Variants in XRCC5 observed in about 807,000 individuals in gnomAD.
XRCC5 encodes the protein DNA repair protein Ku80.
Under a neutral mutation model 95.7 loss-of-function variants are expected in XRCC5, and 12 were observed. That is an observed-to-expected ratio of 0.13 (90% confidence interval 0.08 to 0.20). The LOEUF is 0.20. Among genes scored for constraint, XRCC5 ranks in the 10% least tolerant of loss-of-function variants. The pLI is 1.00. For synonymous variants in XRCC5, 281 were observed against 290.3 expected (o/e 0.97, Z 0.33); for missense variants, 595 against 873.9 (o/e 0.68, Z 4.02).
chr2:216,199,835 A>G (rs1273801992), intron 19 of XRCC5, among the ~76,000 whole-genome samples: 1 of 48,218 alleles, frequency 2.1e-5, no homozygotes, highest in African/African-American at 6.5e-5. Flanking sequence ...TTTTTTTTTT[A>G]CCAGATTCCA....
At chr2:216,155,062 C>T (rs1370953633) in intron 14 of XRCC5, among the ~76,000 whole-genome samples, 1 of 150,086 alleles carries the variant, frequency 6.7e-6, no homozygotes, top group Non-Finnish European at 1.5e-5. Flanking sequence ...CTCATCTCTA[C>T]AAAAAATATA....
At chr2:216,187,701 T>C (rs375983774) in intron 16 of XRCC5, among the ~76,000 whole-genome samples, 1 of 151,554 alleles carries the variant, frequency 6.6e-6, no homozygotes, top group African/African-American at 2.4e-5. Flanking sequence ...TTCCGTGTAG[T>C]CTTTATGCAG....
At chr2:216,187,606 G>C (rs924911577) in intron 16 of XRCC5, among the ~76,000 whole-genome samples, 1 of 151,174 alleles carries the variant, frequency 6.6e-6, no homozygotes, top group African/African-American at 2.4e-5. Flanking sequence ...AAGCAATTTA[G>C]TACCTGTGTA....
chr2:216,150,353 C>G (rs1207632418), intron 14 of XRCC5, among the ~76,000 whole-genome samples: 1 of 152,134 alleles, frequency 6.6e-6, no homozygotes, highest in Non-Finnish European at 1.5e-5. Flanking sequence ...TCAAGAGATA[C>G]TATAACAATG....
chr2:216,193,316 C>T (rs1689653811), intron 18 of XRCC5, among the ~76,000 whole-genome samples: 1 of 152,150 alleles, frequency 6.6e-6, no homozygotes. Flanking sequence ...CCCTTTGCCC[C>T]ACCTTTTTTA....
intron 6 of XRCC5, among the ~76,000 whole-genome samples, chr2:216,124,246 T>C (rs1267874798): frequency 6.6e-6 from 1 of 152,026 alleles, no homozygotes; most frequent in African/African-American, 2.4e-5. Context: ...ACTGAGTCAG[T>C]TGTTCTTAGA....
At chr2:216,127,163 C>G (rs939320113) in intron 7 of XRCC5, among the ~76,000 whole-genome samples, 6 of 152,036 alleles carry the variant, frequency 3.9e-5, no homozygotes, top group African/African-American at 1.4e-4. Context: ...TCACTTAATC[C>G]CGGGAGGCGG....
At chr2:216,118,084 C>T (rs1245684375) in intron 4 of XRCC5, among the ~76,000 whole-genome samples, 1 of 152,032 alleles carries the variant, frequency 6.6e-6, no homozygotes, top group Admixed American at 6.6e-5. Flanking sequence ...TTAAAAAACA[C>T]TAAGTGGTAT....
At chr2:216,178,453 G>A (rs535871946) in intron 16 of XRCC5, among the ~76,000 whole-genome samples, 114 of 152,224 alleles carry the variant, frequency 7.5e-4, no homozygotes, top group African/African-American at 2.7e-3. Context: ...AATTGTTTTA[G>A]GGTATAATAA....
In XRCC5 at chr2:216,190,706, G is replaced by A. The variant is rs554994830; in HGVS notation, c.1944+372G>A. Reference sequence around the variant, plus strand: ...GGGAAATGGATGGGAAATATATATTGGTATAATTATTGAGAAAGATTTTAT... The same window carrying A: ...GGGAAATGGATGGGAAATATATATTAGTATAATTATTGAGAAAGATTTTAT... On this transcript the variant is annotated intron_variant, in intron 17 of 20. Transcript: ENST00000392132. Among the ~76,000 whole-genome samples, 20 of 152,154 alleles carry A rather than the reference G, an allele frequency of 1.3e-4. No homozygotes were observed. The Middle Eastern group carries it at 0.01, about 78-fold the overall frequency.
At chr2:216,160,036 G>T in intron 14 of XRCC5, 32 bp from the exon 15 acceptor site, 1 of 1,332,972 alleles carries the variant, frequency 7.5e-7, no homozygotes, top group Non-Finnish European at 1.0e-6. Context: ...TGTATTGTTT[G>T]TTCTAAGAGA....
Position 216,151,612 on chromosome 2 carries a change from T to C in XRCC5, c.1670+3336T>C, listed in dbSNP as rs1688746970. ...AGTTTCCTCATGGGTAAAATAGGGATAATAGGAATATCTGTCTTATAGAGT... is the reference window on the plus strand; with the variant it reads ...AGTTTCCTCATGGGTAAAATAGGGACAATAGGAATATCTGTCTTATAGAGT... On this transcript the variant is annotated intron_variant, in intron 14 of 20. Transcript: ENST00000392132. 2.6e-5 allele frequency among the ~76,000 whole-genome samples: 4 copies of C among 152,318 alleles called. No individual in the cohort carries two copies. In the South Asian group the frequency reaches 8.3e-4, roughly 32 times the overall value.
intron 4 of XRCC5, 59 bp from the exon 5 acceptor site, chr2:216,118,984 A>C: frequency 6.3e-7 from 1 of 1,581,700 alleles, no homozygotes; most frequent in Middle Eastern, 1.9e-4. Flanking sequence ...AGTGTATTTG[A>C]ATTTGTAGAA....
At chr2:216,171,736 G>A (rs1689169659) in intron 16 of XRCC5, among the ~76,000 whole-genome samples, 1 of 152,158 alleles carries the variant, frequency 6.6e-6, no homozygotes, top group African/African-American at 2.4e-5. Context: ...TTGGGGCATT[G>A]AGAGTAAGAT....
At chr2:216,124,999 A>C (rs1696879889) in intron 6 of XRCC5, among the ~76,000 whole-genome samples, 1 of 152,184 alleles carries the variant, frequency 6.6e-6, no homozygotes, top group Non-Finnish European at 1.5e-5. Context: ...AACGTGCTTT[A>C]CCTTGAGACT....
Position 216,141,168 on chromosome 2 carries a change from T to C in XRCC5, c.1343-18T>C, listed in dbSNP as rs747217133. 3 of 1,609,474 alleles carry C rather than the reference T, an allele frequency of 1.9e-6. No homozygotes were observed. The East Asian group carries it at 6.7e-5, about 36-fold the overall frequency. The stretch of plus-strand genomic sequence containing the variant: ...AATAATGGAAATAATCATTTTTCTT[T>C]CGGCTTCTCTGTTTAAGAGGCACAG... On this transcript the variant is annotated intron_variant, in intron 12 of 20. Transcript: ENST00000392132.
At chr2:216,112,276 C>T (rs1696602634) in intron 1 of XRCC5, among the ~76,000 whole-genome samples, 1 of 152,218 alleles carries the variant, frequency 6.6e-6, no homozygotes, top group Non-Finnish European at 1.5e-5. Context: ...ACATGATTGA[C>T]TCCTACTCAT....
At chr2:216,118,152 T>TTG (rs1364412721) in intron 4 of XRCC5, among the ~76,000 whole-genome samples, 3 of 151,780 alleles carry the variant, frequency 2.0e-5, no homozygotes, top group Admixed American at 6.6e-5. Context: ...CCCTTTTTTG[T>TTG]TGTGTGTGTG....
At chr2:216,192,803 A>T (rs1438450262) in intron 18 of XRCC5, 68 bp downstream of exon 18, 1 of 1,023,614 alleles carries the variant, frequency 9.8e-7, no homozygotes, top group East Asian at 2.8e-5. Context: ...TATTCTAAAT[A>T]TACATATAAA....
Sources: gnomAD v4.1 joint callset for allele counts (sites outside exome capture counted in the v4.1 genomes callset) on GRCh38, gnomAD v4.1.1 for gene constraint, MANE v1.5 for transcripts, NCBI Gene and HGNC (gene_info 2026-07-23, HGNC 2026-07-21) for gene names.